Variants in KCNV2 observed in about 807,000 individuals in gnomAD.
KCNV2 encodes the protein potassium voltage-gated channel subfamily V member 2.
In KCNV2, 65 loss-of-function variants were observed where a neutral mutation model predicts 37.0. The ratio of observed to expected loss-of-function variants is 1.76; its 90% CI spans 1.44 to 2.16. KCNV2 has a LOEUF of 2.16. Ranked by LOEUF, KCNV2 falls within the 30% of genes most tolerant of loss-of-function variation. The probability of loss-of-function intolerance (pLI) is 0.00; values close to 1 mark genes in which losing one functional copy is unlikely to be tolerated. For synonymous variants in KCNV2, 518 were observed against 328.6 expected (o/e 1.58, Z -6.23); for missense variants, 1,232 against 766.7 (o/e 1.61, Z -7.17).
At position 2,717,553 on chromosome 9, in the gene KCNV2, C is replaced by A; in HGVS notation, c.-187C>A. The A allele has an allele frequency of 3.0e-6, 2 of 663,188 alleles. No homozygotes were observed. The highest frequency in any genetic ancestry group is 1.8e-5 in the South Asian group (1 of 54,354). The allele number at this position is 663,188 out of a possible 1,614,324, so 41.1% of individuals were successfully genotyped here. ...CTGCGTTCAGACCCTGCAGGCTGGG[C>A]TGGCCTGCCCAGGACCTGAGAAGGG... is the stretch of plus-strand genomic sequence containing the variant. On this transcript the variant is annotated 5_prime_UTR_variant, in exon 1 of 2. It adds an upstream start codon to the 5' untranslated region. Transcript: ENST00000382082.
chr9:2,717,903 T>A lies in KCNV2; in HGVS notation c.164T>A (p.Ile55Asn), dbSNP rs541608166. 2.5e-6 allele frequency: 4 copies of A among 1,613,930 alleles called. No individual in the cohort carries two copies. The South Asian group carries it at 3.3e-5, about 13-fold the overall frequency. Reference protein sequence around the residue: ...GWTEGNYNYYIEEDEDGEEED... With the variant: ...GWTEGNYNYYNEEDEDGEEED... The stretch of plus-strand genomic sequence containing the variant: ...ACAGAGGGCAACTATAACTACTACA[T>A]CGAGGAAGACGAAGACGGCGAGGAG... Residue 55 changes from isoleucine (I) to asparagine (N), a missense_variant, in exon 1 of 2, where the codon ATC becomes AAC. Coordinates refer to ENST00000382082, the MANE Select transcript of KCNV2 (RefSeq NM_133497.4).
chr9:2,729,616 C>T lies in KCNV2; in HGVS notation c.1527C>T (p.Thr509=). The change falls in exon 2 of 2, where the codon ACC becomes ACT. Residue 509 remains threonine, a synonymous_variant. Transcript: ENST00000382082. ...YYSKLKAYEY[T]TIRRERGEVN... ...GCAAGCTGAAGGCTTATGAGTATAC[C>T]ACCATACGCAGGGAGAGGGGAGAGG... 2 of 1,613,986 alleles carry T rather than the reference C, an allele frequency of 1.2e-6. No homozygotes were observed. Among genetic ancestry groups the T allele is most frequent in the Non-Finnish European group, 1.7e-6 (2 of 1,179,962 alleles).
Position 2,718,642 on chromosome 9 carries a change from C to G in KCNV2, c.903C>G (p.Ile301Met). Reference sequence around the variant, plus strand: ...AGGGCGGCCCAGACCTGCGGCCCATCCTGGAGCACGTGGAGATGCTGTGCA... The same window carrying G: ...AGGGCGGCCCAGACCTGCGGCCCATGCTGGAGCACGTGGAGATGCTGTGCA... ...QGEGGPDLRP[I>M]LEHVEMLCMG... Residue 301 changes from isoleucine to methionine, a missense_variant, in exon 1 of 2, where the codon ATC becomes ATG. Ile to Met is a conservative substitution (Grantham distance 10). Coordinates refer to ENST00000382082, the MANE Select transcript of KCNV2 (RefSeq NM_133497.4). 1.2e-6 allele frequency: 2 copies of G among 1,613,296 alleles called. No individual in the cohort carries two copies. The highest frequency in any genetic ancestry group is 8.5e-7 in the Non-Finnish European group (1 of 1,179,832).
chr9:2,719,005 CT>C lies in KCNV2; in HGVS notation c.1268del (p.Phe423SerfsTer31). 6.2e-7 allele frequency: 1 copy of C among 1,612,780 alleles called. No homozygotes were observed. The highest frequency in any genetic ancestry group is 8.5e-7 in the Non-Finnish European group (1 of 1,180,044). ...CLLLFIAMGI[F>X]TFSAAVYSVE... ...TGCTGCTCTTCATCGCCATGGGCAT[CT>C]TCACTTTCTCTGCGGCTGTCTACTC... On this transcript the variant is annotated frameshift_variant, in exon 1 of 2. Coordinates refer to ENST00000382082, the MANE Select transcript of KCNV2 (RefSeq NM_133497.4). LOFTEE classifies it high-confidence loss of function.
At chr9:2,728,881 T>TAAAAAAAA (rs60674628) in intron 1 of KCNV2, among the ~76,000 whole-genome samples, 4 of 98,404 alleles carry the variant, frequency 4.1e-5, no homozygotes, top group African/African-American at 3.2e-5. Context: ...CTGTTTTAAA[T>TAAAAAAAA]AAAAAAAAAA....
chr9:2,722,518 ATAAAAGTTATTTATAAATAAAT>A (rs1186582447), intron 1 of KCNV2, among the ~76,000 whole-genome samples: 1 of 136,876 alleles, frequency 7.3e-6, no homozygotes, highest in African/African-American at 3.0e-5. Context: ...TTATTTATAA[ATAAAAGTTATTTATAAATAAAT>A]TAGAAGTTAT....
At chr9:2,725,690 T>G (rs575882390) in intron 1 of KCNV2, among the ~76,000 whole-genome samples, 10 of 152,324 alleles carry the variant, frequency 6.6e-5, no homozygotes, top group African/African-American at 2.4e-4. Flanking sequence ...CTAATTCCTT[T>G]GGAAAACAGA....
chr9:2,726,341 A>C (rs1362497423), intron 1 of KCNV2, among the ~76,000 whole-genome samples: 1 of 152,208 alleles, frequency 6.6e-6, no homozygotes, highest in African/African-American at 2.4e-5. Flanking sequence ...GGGACCAGTC[A>C]CACATAGCCT....
chr9:2,719,207 C>A (rs1017035625), intron 1 of KCNV2, 112 bp downstream of exon 1: 2 of 1,223,542 alleles, frequency 1.6e-6, no homozygotes, highest in Admixed American at 3.9e-5. Flanking sequence ...CGTCTTCCCC[C>A]CCACCCCCAA....
Position 2,729,947 on chromosome 9 carries a change from C to A in KCNV2, c.*220C>A. On this transcript the variant is annotated 3_prime_UTR_variant, in exon 2 of 2. Transcript: ENST00000382082. Reference sequence around the variant, plus strand: ...GTGAAACATCTGACCTTCTCAATGACGTTGATATTGAAAACCTGAGGGGAG... The same window carrying A: ...GTGAAACATCTGACCTTCTCAATGAAGTTGATATTGAAAACCTGAGGGGAG... 1 of 552,038 alleles carries A rather than the reference C, an allele frequency of 1.8e-6. No individual in the cohort carries two copies. Among genetic ancestry groups the A allele is most frequent in the South Asian group, 2.5e-5 (1 of 40,434 alleles). 34.2% of individuals were successfully genotyped at this position (552,038 alleles called of 1,614,324 possible).
intron 1 of KCNV2, among the ~76,000 whole-genome samples, chr9:2,729,161 C>G (rs1326763834): frequency 6.6e-6 from 1 of 152,178 alleles, no homozygotes; most frequent in Non-Finnish European, 1.5e-5. Context: ...GCAACCATTT[C>G]AAGTAGGTAT....
chr9:2,723,070 A>G (rs1173302081), intron 1 of KCNV2, among the ~76,000 whole-genome samples: 3 of 152,232 alleles, frequency 2.0e-5, no homozygotes, highest in African/African-American at 7.2e-5. Context: ...TATGGCAAAC[A>G]GCTTAGACAC....
chr9:2,728,201 A>C (rs1688508716), intron 1 of KCNV2, among the ~76,000 whole-genome samples: 1 of 152,128 alleles, frequency 6.6e-6, no homozygotes, highest in Non-Finnish European at 1.5e-5. Flanking sequence ...AAATATTTAC[A>C]CTGCTAAGCT....
In KCNV2 at chr9:2,718,796, G is replaced by T. The variant is rs369069912; in HGVS notation, c.1057G>T (p.Glu353Ter). ...ILPLYLQLLL[E>*]CFTGEGHQRG... ...GCCGCTCTACCTTCAGCTGCTGCTC[G>T]AGTGCTTCACGGGCGAGGGCCACCA... The change falls in exon 1 of 2, where the codon GAG (glutamate) becomes TAG (stop). Residue 353 changes from glutamate (E) to a stop codon, truncating the protein, a stop_gained. Coordinates refer to ENST00000382082, the MANE Select transcript of KCNV2 (RefSeq NM_133497.4). LOFTEE classifies it high-confidence loss of function. The T allele has an allele frequency of 6.2e-7, 1 of 1,610,706 alleles. No individual in the cohort carries two copies. Among genetic ancestry groups the T allele is most frequent in the Non-Finnish European group, 8.5e-7 (1 of 1,179,896 alleles).
At chr9:2,720,392 T>G (rs1225746270) in intron 1 of KCNV2, 1 of 152,220 alleles carries the variant, frequency 6.6e-6, no homozygotes, top group Non-Finnish European at 1.5e-5. Context: ...TCAGTGAGTC[T>G]TCCTTCCCTT....
chr9:2,719,588 C>T (rs1563796618), intron 1 of KCNV2, among the ~76,000 whole-genome samples: 1 of 152,138 alleles, frequency 6.6e-6, no homozygotes, highest in Non-Finnish European at 1.5e-5. Flanking sequence ...GAAATCCCAC[C>T]ACCTCTGGTT....
In KCNV2 at chr9:2,729,477, T is replaced by A. The variant is rs773096508; in HGVS notation, c.1388T>A (p.Met463Lys). The change falls in exon 2 of 2, where the codon ATG becomes AAG. Residue 463 changes from methionine (M) to lysine (K), a missense_variant. By Grantham distance (95) the Met-to-Lys change is moderately conservative. Transcript: ENST00000382082. ...ATCTCCACCGTGGGCTACGGAGACA[T>A]GTACCCAGAGACCCACCTGGGCAGG... ...VSISTVGYGDMYPETHLGRFF... is the reference protein window; with the variant it reads ...VSISTVGYGDKYPETHLGRFF... 1 of 1,613,880 alleles carries A rather than the reference T, an allele frequency of 6.2e-7. No individual in the cohort carries two copies. Among genetic ancestry groups the A allele is most frequent in the South Asian group, 1.1e-5 (1 of 91,074 alleles).
chr9:2,720,271 T>A (rs1358197109), intron 1 of KCNV2, among the ~76,000 whole-genome samples: 1 of 152,238 alleles, frequency 6.6e-6, no homozygotes, highest in Non-Finnish European at 1.5e-5. Flanking sequence ...CCCAGACCTG[T>A]CAATAATTAA....
chr9:2,725,636 G>T (rs1308882721), intron 1 of KCNV2, among the ~76,000 whole-genome samples: 1 of 152,142 alleles, frequency 6.6e-6, no homozygotes, highest in Non-Finnish European at 1.5e-5. Flanking sequence ...CACGTATTGA[G>T]GCTTATAATA....
Sources: gnomAD v4.1 joint callset for allele counts (sites outside exome capture counted in the v4.1 genomes callset) on GRCh38, gnomAD v4.1.1 for gene constraint, MANE v1.5 for transcripts, NCBI Gene and HGNC (gene_info 2026-07-23, HGNC 2026-07-21) for gene names.